Variants in SGCZ observed in about 807,000 individuals in gnomAD.
The protein encoded by SGCZ is sarcoglycan zeta.
Under a neutral mutation model 41.3 loss-of-function variants are expected in SGCZ, and 40 were observed. The observed-to-expected ratio is 0.97, with a 90% CI of 0.75 to 1.26. The LOEUF (loss-of-function observed/expected upper bound fraction) is 1.26. SGCZ is among the 50% of genes most tolerant of loss of function. SGCZ has a pLI of 0.00. For missense variants in SGCZ, 552 were observed against 369.8 expected, an observed-to-expected ratio of 1.49 and a Z score of -4.04; for synonymous variants, 206 against 137.5, an observed-to-expected ratio of 1.50 and a Z score of -3.49.
At position 14,901,616 on chromosome 8, in the gene SGCZ, G is replaced by GA. The variant is rs554192707; in HGVS notation, c.39+335968dup. Reference sequence around the variant, plus strand: ...CATTTTGGGGTGAAAATTTTCGGGTGAAAAAATCCTTGGTCTATGTAAAAT... The same window carrying GA: ...CATTTTGGGGTGAAAATTTTCGGGTGAAAAAAATCCTTGGTCTATGTAAAAT... On this transcript the variant is annotated intron_variant, in intron 1 of 7. Coordinates refer to ENST00000382080, the MANE Select transcript of SGCZ (RefSeq NM_139167.4). Among the ~76,000 whole-genome samples, 33 of 152,064 alleles carry GA rather than the reference G, an allele frequency of 2.2e-4. No individual in the cohort carries two copies. In the East Asian group the frequency reaches 6.4e-3, roughly 30 times the overall value.
At chr8:14,391,436 C>T (rs1804768117) in intron 2 of SGCZ, among the ~76,000 whole-genome samples, 1 of 152,016 alleles carries the variant, frequency 6.6e-6, no homozygotes, top group South Asian at 2.1e-4. Context: ...CTAAGAGATT[C>T]CATATGTATC....
chr8:15,177,112 C>T (rs2117077592), intron 1 of SGCZ, among the ~76,000 whole-genome samples: 1 of 152,230 alleles, frequency 6.6e-6, no homozygotes, highest in African/African-American at 2.4e-5. Flanking sequence ...ATTTATTTTC[C>T]TTTCCAGGGA....
chr8:14,128,369 G>A (rs755083814), intron 5 of SGCZ, among the ~76,000 whole-genome samples: 10 of 152,256 alleles, frequency 6.6e-5, no homozygotes, highest in Middle Eastern at 3.4e-3. Context: ...ATTTTACACC[G>A]TTCGGAACAG....
At chr8:14,445,278 T>G (rs1403291643) in intron 2 of SGCZ, among the ~76,000 whole-genome samples, 1 of 152,208 alleles carries the variant, frequency 6.6e-6, no homozygotes, top group Non-Finnish European at 1.5e-5. Context: ...CTCTTTGCCT[T>G]CTCTCTCCCA....
chr8:14,867,225 C>T (rs75277458), intron 1 of SGCZ, among the ~76,000 whole-genome samples: 9,916 of 152,080 alleles, frequency 0.065, 619 homozygotes, highest in African/African-American at 0.17. Flanking sequence ...AATGTTCAAA[C>T]GCCTGAAGTA....
chr8:14,974,840 G>A (rs1334340279), intron 1 of SGCZ, among the ~76,000 whole-genome samples: 3 of 139,382 alleles, frequency 2.2e-5, no homozygotes, highest in South Asian at 2.3e-4. Context: ...AACATAAGAC[G>A]AATGAAGAGG....
intron 1 of SGCZ, among the ~76,000 whole-genome samples, chr8:15,056,739 A>G (rs1286386574): frequency 6.6e-6 from 1 of 152,178 alleles, no homozygotes; most frequent in Non-Finnish European, 1.5e-5. Context: ...TAAGACGTCA[A>G]TATTCATACA....
chr8:15,062,781 T>C (rs1233608292), intron 1 of SGCZ, among the ~76,000 whole-genome samples: 1 of 152,148 alleles, frequency 6.6e-6, no homozygotes, highest in Non-Finnish European at 1.5e-5. Flanking sequence ...TGTTAAACCC[T>C]TTTTACAGTC....
intron 1 of SGCZ, among the ~76,000 whole-genome samples, chr8:14,918,603 A>G (rs992342338): frequency 1.3e-5 from 2 of 152,216 alleles, no homozygotes; most frequent in Non-Finnish European, 2.9e-5. Context: ...AGAGTAATTC[A>G]TTATAGTAGA....
intron 4 of SGCZ, among the ~76,000 whole-genome samples, chr8:14,209,832 ACCT>A (rs1805741897): frequency 1.7e-4 from 2 of 11,566 alleles, no homozygotes; most frequent in African/African-American, 5.2e-3. Context: ...TAAAAATATA[ACCT>A]GTATGATTAA....
chr8:14,558,613 A>AGAG (rs59852253), intron 1 of SGCZ, among the ~76,000 whole-genome samples: 11 of 148,644 alleles, frequency 7.4e-5, no homozygotes, highest in East Asian at 2.0e-4. Context: ...AGAGAGAGAG[A>AGAG]ATCTTCCATA....
chr8:14,537,683 C>T (rs1281819160), intron 2 of SGCZ, among the ~76,000 whole-genome samples: 2 of 151,654 alleles, frequency 1.3e-5, no homozygotes, highest in East Asian at 2.0e-4. Context: ...TAAAAGAAAA[C>T]ATACTAATAA....
chr8:15,228,031 G>A (rs544030576), intron 1 of SGCZ, among the ~76,000 whole-genome samples: 20 of 152,050 alleles, frequency 1.3e-4, no homozygotes, highest in African/African-American at 4.3e-4. Context: ...ACTTTGAGTC[G>A]AAATATGGAA....
intron 2 of SGCZ, among the ~76,000 whole-genome samples, chr8:14,348,370 G>C (rs930629998): frequency 1.3e-5 from 2 of 152,026 alleles, no homozygotes; most frequent in African/African-American, 4.8e-5. Flanking sequence ...CTCACTTCTT[G>C]TGTCCCTGGC....
At chr8:14,622,869 T>C (rs1806330430) in intron 1 of SGCZ, among the ~76,000 whole-genome samples, 1 of 152,216 alleles carries the variant, frequency 6.6e-6, no homozygotes, top group Non-Finnish European at 1.5e-5. Context: ...AATTCATTTT[T>C]TAATATCAGT....
At position 14,634,987 on chromosome 8, in the gene SGCZ, G is replaced by A. The variant is rs114760447; in HGVS notation, c.40-80061C>T. 8.8e-3 allele frequency among the ~76,000 whole-genome samples: 1,336 copies of A among 151,690 alleles called. 17 individuals are homozygous for A. Among genetic ancestry groups the A allele is most frequent in the African/African-American group, 0.031 (1,266 of 41,432 alleles). On this transcript the variant is annotated intron_variant, in intron 1 of 7. Coordinates refer to ENST00000382080, the MANE Select transcript of SGCZ (RefSeq NM_139167.4). Reference sequence around the variant, plus strand: ...TATGATATTTAAATGATTCTTTGGAGGGGTAATTAACTTTTATACATAGGC... The same window carrying A: ...TATGATATTTAAATGATTCTTTGGAAGGGTAATTAACTTTTATACATAGGC...
At chr8:14,781,185 G>T (rs994811081) in intron 1 of SGCZ, among the ~76,000 whole-genome samples, 4 of 152,030 alleles carry the variant, frequency 2.6e-5, no homozygotes, top group African/African-American at 9.7e-5. Flanking sequence ...TACCCCCAAA[G>T]AAATTCAAAA....
At chr8:14,427,101 TGAGTGAATGAATGAATGAAA>T (rs1173514357) in intron 2 of SGCZ, among the ~76,000 whole-genome samples, 4 of 151,954 alleles carry the variant, frequency 2.6e-5, no homozygotes, top group African/African-American at 9.7e-5. Context: ...AATGAATGAA[TGAGTGAATGAATGAATGAAA>T]TACACCTTAA....
chr8:14,186,088 C>G (rs763761597), intron 4 of SGCZ, among the ~76,000 whole-genome samples: 1 of 152,172 alleles, frequency 6.6e-6, no homozygotes, highest in Non-Finnish European at 1.5e-5. Flanking sequence ...AATGGGGCCA[C>G]AGGGCTCCCC....
Sources: allele counts gnomAD v4.1 joint callset (sites outside exome capture counted in the v4.1 genomes callset), GRCh38; gene constraint gnomAD v4.1.1; transcripts MANE v1.5; gene names NCBI Gene and HGNC (gene_info 2026-07-23, HGNC 2026-07-21).